Variants in GPHN observed in about 807,000 individuals in gnomAD.
The protein encoded by GPHN is gephyrin.
In GPHN, 17 loss-of-function variants were observed where a neutral mutation model predicts 95.5. The observed-to-expected ratio is 0.18, with a 90% CI of 0.12 to 0.27. GPHN has a LOEUF of 0.27. GPHN is among the 10% of genes least tolerant of loss of function. GPHN has a pLI of 1.00. For missense variants in GPHN, 660 were observed against 978.1 expected (o/e 0.67, Z 4.34); for synonymous variants, 320 against 322.5 (o/e 0.99, Z 0.08).
chr14:66,584,741 C>T (rs141220866), intron 1 of GPHN, among the ~76,000 whole-genome samples: 1,556 of 152,236 alleles, frequency 0.01, 18 homozygotes, highest in Middle Eastern at 0.017. Flanking sequence ...ATGAAGCCCA[C>T]TTGATCATGG....
At chr14:67,289,053 G>A in the GPHN span, among the ~76,000 whole-genome samples, 7 of 141,232 alleles carry the variant, frequency 5.0e-5, no homozygotes, top group Admixed American at 3.1e-4. Context: ...TGCAACCTCC[G>A]CCACCCAGGT....
chr14:66,878,136 A>G (rs1420446871), intron 4 of GPHN, among the ~76,000 whole-genome samples: 1 of 152,202 alleles, frequency 6.6e-6, no homozygotes, highest in Non-Finnish European at 1.5e-5. Context: ...AGAATTTTCT[A>G]TTTAATAAAT....
intron 18 of GPHN, among the ~76,000 whole-genome samples, chr14:67,154,646 T>C (rs2081480170): frequency 6.6e-6 from 1 of 152,074 alleles, no homozygotes; most frequent in African/African-American, 2.4e-5. Context: ...AGAAGTTTCC[T>C]GTTCTCAAGA....
At chr14:66,681,002 A>G (rs2066904346) in intron 1 of GPHN, 105 bp from the exon 2 acceptor site, 4 of 685,510 alleles carry the variant, frequency 5.8e-6, no homozygotes, top group East Asian at 2.7e-5. Flanking sequence ...GAAAAATGAA[A>G]AAAAAAAAGC....
the GPHN span, among the ~76,000 whole-genome samples, chr14:67,424,483 C>A: frequency 6.6e-6 from 1 of 151,240 alleles, no homozygotes; most frequent in Non-Finnish European, 1.5e-5. Flanking sequence ...CTTGTAGTCC[C>A]AGCTACTTGG....
At chr14:67,730,985 G>C in the GPHN span, among the ~76,000 whole-genome samples, 7 of 152,198 alleles carry the variant, frequency 4.6e-5, no homozygotes, top group East Asian at 1.4e-3. Context: ...TTTTAAATGA[G>C]ATAAAAGATA....
chr14:67,092,980 AG>A (rs1348430681), intron 12 of GPHN, among the ~76,000 whole-genome samples: 1 of 152,054 alleles, frequency 6.6e-6, no homozygotes, highest in Non-Finnish European at 1.5e-5. Context: ...GATATTAATA[AG>A]GGCAAAAATA....
chr14:67,386,170 A>G, the GPHN span: 1 of 152,664 alleles, frequency 6.6e-6, no homozygotes, highest in South Asian at 2.1e-4. Flanking sequence ...GCAAAACAAA[A>G]AAACTAATTC....
chr14:67,719,687 A>G, the GPHN span, among the ~76,000 whole-genome samples: 1 of 152,112 alleles, frequency 6.6e-6, no homozygotes, highest in Admixed American at 6.5e-5. Context: ...TATGTTGCCC[A>G]GGTTGGTCTT....
the GPHN span, among the ~76,000 whole-genome samples, chr14:67,263,125 C>T: frequency 6.6e-6 from 1 of 152,062 alleles, no homozygotes; most frequent in African/African-American, 2.4e-5. Flanking sequence ...TTCCAAAGGC[C>T]TTCAATTTTG....
chr14:67,328,137 AGCACC>A, the GPHN span, among the ~76,000 whole-genome samples: 3 of 152,190 alleles, frequency 2.0e-5, no homozygotes, highest in African/African-American at 7.2e-5. Context: ...CATCCTCTCC[AGCACC>A]TGTTGTTTCC....
the GPHN span, among the ~76,000 whole-genome samples, chr14:67,577,064 A>G: frequency 2.6e-5 from 4 of 152,084 alleles, no homozygotes; most frequent in East Asian, 7.7e-4. Flanking sequence ...AGACACCCAC[A>G]ACCTTGCACA....
the GPHN span, among the ~76,000 whole-genome samples, chr14:67,240,595 C>T: frequency 6.6e-6 from 1 of 152,174 alleles, no homozygotes; most frequent in Non-Finnish European, 1.5e-5. Context: ...CATCCGAGGG[C>T]TTTTATTGCA....
chr14:67,040,686 A>C (rs577480025), intron 10 of GPHN, among the ~76,000 whole-genome samples: 2 of 152,116 alleles, frequency 1.3e-5, no homozygotes, highest in Non-Finnish European at 1.5e-5. Flanking sequence ...TTTGAAGCAT[A>C]TAGCTCAGTT....
At chr14:67,611,090 A>G in the GPHN span, 1 of 155,388 alleles carries the variant, frequency 6.4e-6, no homozygotes, top group African/African-American at 2.4e-5. Flanking sequence ...CACCAAACCC[A>G]TGTACAATGA....
chr14:66,997,282 A>C (rs1328414160), intron 9 of GPHN, among the ~76,000 whole-genome samples: 1 of 150,842 alleles, frequency 6.6e-6, no homozygotes, highest in African/African-American at 2.4e-5. Context: ...CAGGAGAATC[A>C]CTTGAACCCG....
chr14:66,797,419 G>T (rs1156676954), intron 3 of GPHN, among the ~76,000 whole-genome samples: 1 of 151,682 alleles, frequency 6.6e-6, no homozygotes, highest in East Asian at 1.9e-4. Context: ...AGATTGCTTT[G>T]GGTACTATGA....
chr14:67,706,667 G>A, the GPHN span, among the ~76,000 whole-genome samples: 2 of 152,180 alleles, frequency 1.3e-5, no homozygotes, highest in African/African-American at 4.8e-5. Flanking sequence ...ACTTTGAATA[G>A]AATGGGAAGC....
the GPHN span, among the ~76,000 whole-genome samples, chr14:67,331,120 C>T: frequency 6.6e-6 from 1 of 152,216 alleles, no homozygotes; most frequent in Admixed American, 6.5e-5. Context: ...TCTTGGTTCA[C>T]TGCAACCTCT....
Sources: gnomAD v4.1 joint callset for allele counts (sites outside exome capture counted in the v4.1 genomes callset) on GRCh38, gnomAD v4.1.1 for gene constraint, MANE v1.5 for transcripts, NCBI Gene and HGNC (gene_info 2026-07-23, HGNC 2026-07-21) for gene names.